LRP12: variants seen among roughly 807,000 people sequenced by gnomAD.
LRP12 encodes low-density lipoprotein receptor-related protein 12.
A neutral mutation model predicts 66.0 loss-of-function variants in LRP12; 14 were observed. The observed-to-expected ratio is 0.21, with a 90% CI of 0.14 to 0.33. LRP12 has a LOEUF of 0.33. LRP12 is among the 10% of genes least tolerant of loss of function. The pLI, the probability that LRP12 is intolerant of heterozygous loss-of-function variation, is 1.00. For synonymous variants in LRP12, 357 were observed against 359.1 expected, an observed-to-expected ratio of 0.99 and a Z score of 0.07; for missense variants, 889 against 1,053.4, an observed-to-expected ratio of 0.84 and a Z score of 2.16.
intron 1 of LRP12, among the ~76,000 whole-genome samples, chr8:104,550,237 T>C (rs950659618): frequency 6.6e-6 from 1 of 152,130 alleles, no homozygotes; most frequent in Non-Finnish European, 1.5e-5. Context: ...TTGTTCAAGG[T>C]AACAAAAGTG....
At chr8:104,530,006 C>T (rs1308888019) in intron 2 of LRP12, among the ~76,000 whole-genome samples, 1 of 152,110 alleles carries the variant, frequency 6.6e-6, no homozygotes, top group Non-Finnish European at 1.5e-5. Context: ...GAGAATCTAG[C>T]TATTTTCTTT....
intron 1 of LRP12, among the ~76,000 whole-genome samples, chr8:104,550,314 T>C (rs1194005387): frequency 6.6e-6 from 1 of 152,194 alleles, no homozygotes; most frequent in African/African-American, 2.4e-5. Flanking sequence ...GAAATAATAA[T>C]AGCAGCTAAC....
intron 2 of LRP12, among the ~76,000 whole-genome samples, chr8:104,519,498 C>T (rs1013194571): frequency 2.6e-5 from 4 of 152,008 alleles, no homozygotes; most frequent in African/African-American, 9.7e-5. Flanking sequence ...ACTGGTTGAA[C>T]ATCCCTAATC....
chr8:104,586,487 G>A (rs1405788447), intron 1 of LRP12, among the ~76,000 whole-genome samples: 4 of 152,136 alleles, frequency 2.6e-5, no homozygotes, highest in Non-Finnish European at 5.9e-5. Context: ...TATTTTTGAA[G>A]CCTTTTAAAA....
intron 2 of LRP12, among the ~76,000 whole-genome samples, chr8:104,517,912 C>T (rs1408813703): frequency 1.3e-5 from 2 of 152,022 alleles, no homozygotes; most frequent in African/African-American, 2.4e-5. Flanking sequence ...AAAAATTATT[C>T]TGAAAGTTAA....
chr8:104,549,572 T>G (rs1588502006), intron 1 of LRP12, among the ~76,000 whole-genome samples: 1 of 151,974 alleles, frequency 6.6e-6, no homozygotes, highest in African/African-American at 2.4e-5. Context: ...CTGGCTAATT[T>G]TTTGTATTTT....
At chr8:104,493,305 T>C (rs186902359) in intron 6 of LRP12, among the ~76,000 whole-genome samples, 1 of 152,334 alleles carries the variant, frequency 6.6e-6, no homozygotes, top group Non-Finnish European at 1.5e-5. Flanking sequence ...ATTTGGTAAT[T>C]TGTTACCAAA....
chr8:104,548,933 C>T (rs1002818775), intron 1 of LRP12, among the ~76,000 whole-genome samples: 4 of 145,234 alleles, frequency 2.8e-5, no homozygotes, highest in East Asian at 1.9e-4. Flanking sequence ...AGCAAAACTC[C>T]GTCAAAAATA....
At position 104,494,150 on chromosome 8, in the gene LRP12, T is replaced by C. The variant is rs1166769597; in HGVS notation, c.1713+927A>G. On this transcript the variant is annotated intron_variant, in intron 6 of 6. Transcript: ENST00000276654. ...GTGTGTAAAATTAACTGTGATCTGA[T>C]TCTTACCTAAAAAAAAACTTTCCCC... Among the ~76,000 whole-genome samples, 3 of 152,154 alleles carry C rather than the reference T, an allele frequency of 2.0e-5. 1 individual carries two copies. Among genetic ancestry groups the C allele is most frequent in the Non-Finnish European group, 2.9e-5 (2 of 68,010 alleles).
At chr8:104,518,725 A>G (rs1384212194) in intron 2 of LRP12, among the ~76,000 whole-genome samples, 1 of 152,078 alleles carries the variant, frequency 6.6e-6, no homozygotes, top group Non-Finnish European at 1.5e-5. Flanking sequence ...TGGTATTAAA[A>G]ATTTTATAAA....
At chr8:104,537,727 C>T (rs1811410523) in intron 1 of LRP12, among the ~76,000 whole-genome samples, 1 of 152,018 alleles carries the variant, frequency 6.6e-6, no homozygotes, top group Non-Finnish European at 1.5e-5. Flanking sequence ...GATATATGAC[C>T]TAACAATTCC....
rs963492979 is a variant in LRP12, at chr8:104,589,222, G to A, written c.-325C>T. The stretch of plus-strand genomic sequence containing the variant: ...GGCGGACGCCGGACTCCGGCCTCGC[G>A]CCGCTCGGGCTAGCCGGCGCCGCCA... On this transcript the variant is annotated 5_prime_UTR_variant, in exon 1 of 7. Coordinates refer to ENST00000276654, the MANE Select transcript of LRP12 (RefSeq NM_013437.5). Among the ~76,000 whole-genome samples, 2 of 151,590 alleles carry A rather than the reference G, an allele frequency of 1.3e-5. No homozygotes were observed. Among genetic ancestry groups the A allele is most frequent in the African/African-American group, 4.8e-5 (2 of 41,348 alleles).
intron 1 of LRP12, among the ~76,000 whole-genome samples, chr8:104,547,560 T>C (rs1450801555): frequency 7.9e-6 from 1 of 126,980 alleles, no homozygotes; most frequent in Non-Finnish European, 1.6e-5. Context: ...TTACATATTA[T>C]ATATTAATAA....
intron 1 of LRP12, among the ~76,000 whole-genome samples, chr8:104,543,193 C>A (rs1811505054): frequency 6.6e-6 from 1 of 151,898 alleles, no homozygotes; most frequent in Admixed American, 6.6e-5. Context: ...TGTTGTTTTT[C>A]TGTTGTTGTT....
At position 104,588,972 on chromosome 8, in the gene LRP12, G is replaced by A. The variant is rs1193308478; in HGVS notation, c.-75C>T. ...GAAGCTGGAGGTAGACGACGCCGAC[G>A]CCGCCGCCGCCGCCGCCGCCGCCGC... is the stretch of plus-strand genomic sequence containing the variant. On this transcript the variant is annotated 5_prime_UTR_variant, in exon 1 of 7. Coordinates refer to ENST00000276654, the MANE Select transcript of LRP12 (RefSeq NM_013437.5). 1.7e-6 allele frequency: 1 copy of A among 580,848 alleles called. No individual in the cohort carries two copies. The highest frequency in any genetic ancestry group is 3.7e-5 in the Admixed American group (1 of 27,292). The allele number at this position is 580,848 out of a possible 1,614,324, so 36.0% of individuals were successfully genotyped here.
At chr8:104,494,429 C>T (rs1810688709) in intron 6 of LRP12, among the ~76,000 whole-genome samples, 1 of 152,056 alleles carries the variant, frequency 6.6e-6, no homozygotes. Flanking sequence ...ACAATGTTTA[C>T]CAGTTTTAAT....
rs996445827 is a variant in LRP12 at position 104,490,721 on chromosome 8, T to G, written c.2532A>C (p.Val844=). Residue 844 remains valine (V), a synonymous_variant, in exon 7 of 7, where the codon GTA becomes GTC. Coordinates refer to ENST00000276654, the MANE Select transcript of LRP12 (RefSeq NM_013437.5). ...TAQIPDTCLE[V]TLKNETSDDE... is the part of the protein sequence containing the mutation. Reference sequence around the variant, plus strand: ...CATCACTCGTTTCGTTTTTCAGTGTTACTTCTAAGCAAGTGTCTGGTATCT... The same window carrying G: ...CATCACTCGTTTCGTTTTTCAGTGTGACTTCTAAGCAAGTGTCTGGTATCT... 1 of 1,613,954 alleles carries G rather than the reference T, an allele frequency of 6.2e-7. No homozygotes were observed. Among genetic ancestry groups the G allele is most frequent in the Middle Eastern group, 1.7e-4 (1 of 6,058 alleles).
rs752029153 is a variant in LRP12, at chr8:104,491,327, A to G, written c.1926T>C (p.His642=). The change falls in exon 7 of 7, where the codon CAT becomes CAC. Residue 642 remains histidine, a synonymous_variant. Coordinates refer to ENST00000276654, the MANE Select transcript of LRP12 (RefSeq NM_013437.5). ...CCACGGAAAACAAACTTCTGTGAGT[A>G]TGATTTCTCTCAGGTTCTCTACTGG... The part of the protein sequence containing the change: ...QSTSREPERN[H]THRSLFSVES... The G allele has an allele frequency of 3.1e-6, 5 of 1,614,142 alleles. No homozygotes were observed. The highest frequency in any genetic ancestry group is 3.3e-5 in the Admixed American group (2 of 60,018).
intron 1 of LRP12, among the ~76,000 whole-genome samples, chr8:104,535,104 T>C (rs1355777694): frequency 6.6e-6 from 1 of 151,772 alleles, no homozygotes; most frequent in Non-Finnish European, 1.5e-5. Flanking sequence ...ACCAGTTAAG[T>C]AGATAAACCC....
Sources: allele counts gnomAD v4.1 joint callset (sites outside exome capture counted in the v4.1 genomes callset), GRCh38; gene constraint gnomAD v4.1.1; transcripts MANE v1.5; gene names NCBI Gene and HGNC (gene_info 2026-07-23, HGNC 2026-07-21).